Variants in VAV2 observed in about 807,000 individuals in gnomAD.
The protein encoded by VAV2 is vav guanine nucleotide exchange factor 2.
In VAV2, 67 loss-of-function variants were observed where a neutral mutation model predicts 132.5. That is an observed-to-expected ratio of 0.51 (90% CI 0.42 to 0.62). VAV2 has a LOEUF of 0.62. VAV2 is among the 20% of genes least tolerant of loss of function. The pLI is 0.00. For missense variants in VAV2, 938 were observed against 1,153.6 expected, an observed-to-expected ratio of 0.81 and a Z score of 2.71; for synonymous variants, 492 against 443.5, an observed-to-expected ratio of 1.11 and a Z score of -1.37.
At chr9:133,940,172 G>T (rs2519102) in intron 1 of VAV2, among the ~76,000 whole-genome samples, 113,997 of 152,062 alleles carry the variant, frequency 0.75, 42,847 homozygotes, top group Middle Eastern at 0.86. Flanking sequence ...GTTTTCTACC[G>T]CCACCTGCCT....
rs58155949 is a variant in VAV2 at position 133,802,323 on chromosome 9, TACACACACACACAC to T, written c.836+3744_836+3757del. On this transcript the variant is annotated intron_variant, in intron 9 of 29. Transcript: ENST00000371850. This position sits in a 1 kb window ranked among gnomAD's most constrained non-coding sequence, Gnocchi z 5.8. ...GCACACAAACACACAAGCACGCGTGTACACACACACACACACACACACACACACACACGACTTCA... is the reference window on the plus strand; with the variant it reads ...GCACACAAACACACAAGCACGCGTGTACACACACACACACACACGACTTCA... Among the ~76,000 whole-genome samples the T allele has an allele frequency of 2.0e-4, 28 of 142,202 alleles. No individual in the cohort carries two copies. The highest frequency in any genetic ancestry group is 4.4e-4 in the African/African-American group (17 of 38,508). 93.3% of individuals were successfully genotyped at this position (142,202 alleles called of 152,430 possible). A position where few individuals can be genotyped will look rare whatever the true frequency, so the allele number is the denominator to read the frequency against.
chr9:133,955,140 AG>A (rs1841710032), intron 1 of VAV2, among the ~76,000 whole-genome samples: 1 of 151,970 alleles, frequency 6.6e-6, no homozygotes, highest in African/African-American at 2.4e-5. Flanking sequence ...CCAAGGGTAC[AG>A]GAAGGGCAGA....
chr9:133,946,271 G>A (rs1341607576), intron 1 of VAV2, among the ~76,000 whole-genome samples: 1 of 152,194 alleles, frequency 6.6e-6, no homozygotes, highest in African/African-American at 2.4e-5. Context: ...GGGACTTCTG[G>A]GGCCTGGCCT....
chr9:133,909,501 T>A (rs1839799462), intron 2 of VAV2, among the ~76,000 whole-genome samples: 1 of 152,186 alleles, frequency 6.6e-6, no homozygotes, highest in Non-Finnish European at 1.5e-5. Context: ...CCCACCTCAA[T>A]GAGCCACACA....
At chr9:133,978,469 AG>A (rs1842588721) in intron 1 of VAV2, among the ~76,000 whole-genome samples, 1 of 152,274 alleles carries the variant, frequency 6.6e-6, no homozygotes, top group South Asian at 2.1e-4. Context: ...ACAGCCCGCA[AG>A]CACCTGGCGG....
chr9:133,945,107 G>A (rs1303137820), intron 1 of VAV2, among the ~76,000 whole-genome samples: 3 of 152,254 alleles, frequency 2.0e-5, no homozygotes, highest in Non-Finnish European at 4.4e-5. Flanking sequence ...CAGCTGGCCT[G>A]CCCAAGGTCA....
chr9:133,801,874 G>A (rs1396433322), intron 9 of VAV2, among the ~76,000 whole-genome samples: 1 of 152,174 alleles, frequency 6.6e-6, no homozygotes, highest in African/African-American at 2.4e-5. Flanking sequence ...GGATCCCCCT[G>A]AAGCCTCTGC....
chr9:133,770,126 C>G (rs1833567728), intron 27 of VAV2, among the ~76,000 whole-genome samples: 1 of 152,240 alleles, frequency 6.6e-6, no homozygotes, highest in Non-Finnish European at 1.5e-5. Context: ...CCTCCAACCC[C>G]CACTGGTCTC....
chr9:133,942,334 G>A (rs962227766), intron 1 of VAV2, among the ~76,000 whole-genome samples: 4 of 152,200 alleles, frequency 2.6e-5, no homozygotes, highest in Admixed American at 6.5e-5. Flanking sequence ...GCTCTCCTCC[G>A]TGGCCCCACG....
chr9:133,817,903 A>C (rs892194577), intron 4 of VAV2, among the ~76,000 whole-genome samples: 2 of 152,082 alleles, frequency 1.3e-5, no homozygotes, highest in African/African-American at 2.4e-5. Flanking sequence ...TGTGAATTTG[A>C]CTGGGCTAAG....
At chr9:133,791,301 G>T (rs1318398797) in intron 13 of VAV2, among the ~76,000 whole-genome samples, 1 of 152,154 alleles carries the variant, frequency 6.6e-6, no homozygotes, top group Non-Finnish European at 1.5e-5. Context: ...TGCCTGATGG[G>T]GTCCGAGGAG....
At chr9:133,989,619 A>T (rs1252738740) in intron 1 of VAV2, among the ~76,000 whole-genome samples, 1 of 151,426 alleles carries the variant, frequency 6.6e-6, no homozygotes, top group Non-Finnish European at 1.5e-5. Flanking sequence ...CAGGAGGTGG[A>T]GGTTGCAGTG....
chr9:133,788,556 A>G lies in VAV2; in HGVS notation c.1275-70T>C. ...TGCTCTGCTCCGAGGAGGCGGCAGG[A>G]GCTGAGCCTGAGGCTCTGGCACGCG... is the stretch of plus-strand genomic sequence containing the variant. On this transcript the variant is annotated intron_variant, in intron 14 of 29. Coordinates refer to ENST00000371850, the MANE Select transcript of VAV2 (RefSeq NM_001134398.2). The surrounding 1 kb of genome is among the most constrained non-coding windows in gnomAD (Gnocchi z 5.3). The G allele has an allele frequency of 6.4e-7, 1 of 1,563,636 alleles. No individual in the cohort carries two copies.
intron 1 of VAV2, among the ~76,000 whole-genome samples, chr9:133,985,220 G>A (rs1279651640): frequency 7.0e-6 from 1 of 142,468 alleles, no homozygotes; most frequent in Non-Finnish European, 1.5e-5. Flanking sequence ...ATCCTATCTT[G>A]CCTTATTGTG....
intron 2 of VAV2, among the ~76,000 whole-genome samples, chr9:133,923,927 T>C (rs1441057044): frequency 6.6e-6 from 1 of 150,864 alleles, no homozygotes; most frequent in Non-Finnish European, 1.5e-5. Flanking sequence ...CACTCATAGG[T>C]GGGAATTGAA....
chr9:133,803,621 G>A (rs559317869), intron 9 of VAV2, among the ~76,000 whole-genome samples: 12 of 152,304 alleles, frequency 7.9e-5, no homozygotes, highest in African/African-American at 2.6e-4. Flanking sequence ...GTCTGAGGAC[G>A]AAGGCTGCAT....
chr9:133,953,583 G>A (rs1303347539), intron 1 of VAV2, among the ~76,000 whole-genome samples: 1 of 152,164 alleles, frequency 6.6e-6, no homozygotes, highest in South Asian at 2.1e-4. Context: ...TCCCCAGAGG[G>A]ACCCTGGCAG....
At chr9:133,877,288 C>T (rs984848396) in intron 2 of VAV2, among the ~76,000 whole-genome samples, 5 of 152,130 alleles carry the variant, frequency 3.3e-5, no homozygotes, top group African/African-American at 9.7e-5. Flanking sequence ...ACAACGATGC[C>T]AAGATGCAGC....
chr9:133,811,026 C>G (rs1323515117), intron 5 of VAV2, among the ~76,000 whole-genome samples: 1 of 152,228 alleles, frequency 6.6e-6, no homozygotes, highest in Non-Finnish European at 1.5e-5. Flanking sequence ...AGGGGAGCCC[C>G]CAGCAGCAGG....
Sources: allele counts gnomAD v4.1 joint callset (sites outside exome capture counted in the v4.1 genomes callset), GRCh38; gene constraint gnomAD v4.1.1; non-coding constraint Gnocchi (gnomAD v3.1); transcripts MANE v1.5; gene names NCBI Gene and HGNC (gene_info 2026-07-23, HGNC 2026-07-21).